The following PLEC variants were observed in gnomAD, a reference collection of about 807,000 sequenced individuals.
The protein encoded by PLEC is hemidesmosomal protein 1.
In PLEC, 216 loss-of-function variants were observed where a neutral mutation model predicts 392.8. The observed-to-expected ratio is 0.55, with a 90% CI of 0.49 to 0.62. The LOEUF is 0.62. Ranked by LOEUF, PLEC falls within the 20% of genes least tolerant of loss-of-function variation. The probability of loss-of-function intolerance (pLI) is 0.00; values close to 1 mark genes in which losing one functional copy is unlikely to be tolerated. For missense variants in PLEC, 6,863 were observed against 6,563.4 expected (o/e 1.05, Z -1.58); for synonymous variants, 3,621 against 2,980.6 (o/e 1.21, Z -7.00).
chr8:143,960,073 G>A (rs1462393014), intron 1 of PLEC, among the ~76,000 whole-genome samples: 1 of 151,996 alleles, frequency 6.6e-6, no homozygotes, highest in Admixed American at 6.6e-5. Context: ...ACCTGAAGTT[G>A]GGAGTTCGAG....
intron 1 of PLEC, among the ~76,000 whole-genome samples, chr8:143,962,865 G>A (rs1832930909): frequency 6.6e-6 from 1 of 152,130 alleles, no homozygotes; most frequent in Admixed American, 6.5e-5. Context: ...ATTGAGGAAG[G>A]AACTATTAAG....
intron 30 of PLEC, 127 bp from the exon 31 acceptor site, chr8:143,926,011 CA>C (rs1778756358): frequency 9.0e-7 from 1 of 1,109,640 alleles, no homozygotes; most frequent in Admixed American, 2.0e-5. Context: ...ACAGAGGCCC[CA>C]GCCCGGCGGA....
At chr8:143,936,310 G>A (rs1829036838) in intron 5 of PLEC, among the ~76,000 whole-genome samples, 1 of 152,196 alleles carries the variant, frequency 6.6e-6, no homozygotes, top group South Asian at 2.1e-4. Context: ...TCCCCTAGCT[G>A]GGGAGGGCTA....
intron 1 of PLEC, among the ~76,000 whole-genome samples, chr8:143,945,857 G>A (rs56334578): frequency 0.29 from 44,477 of 152,260 alleles, 7,824 homozygotes; most frequent in Non-Finnish European, 0.39. Flanking sequence ...AAAAACGTGC[G>A]GCCGAGGGAA....
chr8:143,955,047 G>A (rs1405194103), upstream of PLEC, among the ~76,000 whole-genome samples: 2 of 152,172 alleles, frequency 1.3e-5, no homozygotes, highest in Admixed American at 6.5e-5. Context: ...CACCTCCACC[G>A]TAGACCCAGC....
rs1820986194 is a variant in PLEC at position 143,917,584 on chromosome 8, G to A, written c.12237C>T (p.Ile4079=). The A allele has an allele frequency of 3.1e-6, 5 of 1,613,738 alleles. No individual in the cohort carries two copies. The highest frequency in any genetic ancestry group is 4.2e-6 in the Non-Finnish European group (5 of 1,180,020). The change falls in exon 32 of 32, where the codon ATC becomes ATT. Residue 4079 remains isoleucine, a synonymous_variant. Transcript: ENST00000345136. ...RGLFDEEMNE[I]LTDPSDDTKG... Reference sequence around the variant, plus strand: ...TGGTGTCGTCCGAGGGGTCGGTCAGGATCTCGTTCATCTCCTCATCGAAGA... The same window carrying A: ...TGGTGTCGTCCGAGGGGTCGGTCAGAATCTCGTTCATCTCCTCATCGAAGA...
Position 143,936,975 on chromosome 8 carries a change from C to T in PLEC, c.435+4G>A, listed in dbSNP as rs782435266. 1 of 1,608,864 alleles carries T rather than the reference C, an allele frequency of 6.2e-7. No homozygotes were observed. Among genetic ancestry groups the T allele is most frequent in the Non-Finnish European group, 8.5e-7 (1 of 1,176,348 alleles). On this transcript the variant is annotated splice_donor_region_variant and intron_variant, in intron 5 of 31. Coordinates refer to ENST00000345136, the MANE Select transcript of PLEC (RefSeq NM_201384.3). ...GGTGGGGGTCCTGGGGGCAGCCGTTCTACCTGGAAGTGCAGAATGATTGTC... is the reference window on the plus strand; with the variant it reads ...GGTGGGGGTCCTGGGGGCAGCCGTTTTACCTGGAAGTGCAGAATGATTGTC...
At chr8:143,939,599 G>A (rs1170580200), upstream of PLEC, 1 of 1,491,968 alleles carries the variant, frequency 6.7e-7, no homozygotes. Context: ...CAGAGCCCCA[G>A]TCGGTGCGGC....
intron 1 of PLEC, among the ~76,000 whole-genome samples, chr8:143,963,481 C>T (rs1832955076): frequency 6.6e-6 from 1 of 152,202 alleles, no homozygotes. Flanking sequence ...CTTTATATTT[C>T]TCCCTTTGGG....
rs781833275 is a variant in PLEC at position 143,927,728 on chromosome 8, G to A, written c.3438C>T (p.Phe1146=). Residue 1146 remains phenylalanine, a synonymous_variant, in exon 27 of 32, where the codon TTC becomes TTT. Transcript: ENST00000345136. ...RAQAEAQQPT[F]DALRDELRGA... ...CCCGCAGCTCATCCCGCAGGGCGTC[G>A]AACGTGGGCTGCTGTGCCTCGGCCT... 56 of 1,594,368 alleles carry A rather than the reference G, an allele frequency of 3.5e-5. No individual in the cohort carries two copies. The highest frequency in any genetic ancestry group is 1.7e-4 in the Middle Eastern group (1 of 6,046).
Position 143,921,772 on chromosome 8 carries a change from T to A in PLEC, c.8049A>T (p.Ala2683=). 6.2e-7 allele frequency: 1 copy of A among 1,611,744 alleles called. No homozygotes were observed. The highest frequency in any genetic ancestry group is 8.5e-7 in the Non-Finnish European group (1 of 1,179,820). Reference sequence around the variant, plus strand: ...GGTAGTGGCGCACGTCTTCCCGCCGTGCGAGCTCGTCCACCGTGGTGTGGC... The same window carrying A: ...GGTAGTGGCGCACGTCTTCCCGCCGAGCGAGCTCGTCCACCGTGGTGTGGC... ...AQGHTTVDEL[A]RREDVRHYLQ... is the part of the protein sequence containing the mutation. Residue 2683 remains alanine, a synonymous_variant, in exon 32 of 32, where the codon GCA becomes GCT. Transcript: ENST00000345136.
In PLEC at chr8:143,924,181, C is replaced by T. The variant is rs372415930; in HGVS notation, c.5748G>A (p.Thr1916=). ...CCTCCACCTGCCGCCGCTGCCTCAGCGTGTCCTCCACCAGCCCCTTCTGCC... is the reference window on the plus strand; with the variant it reads ...CCTCCACCTGCCGCCGCTGCCTCAGTGTGTCCTCCACCAGCCCCTTCTGCC... ...LERQKGLVED[T]LRQRRQVEEE... is the part of the protein sequence containing the mutation. Residue 1916 remains threonine, a synonymous_variant, in exon 31 of 32, where the codon ACG becomes ACA. Coordinates refer to ENST00000345136, the MANE Select transcript of PLEC (RefSeq NM_201384.3). 1.8e-5 allele frequency: 29 copies of T among 1,599,054 alleles called. No individual in the cohort carries two copies. In the African/African-American group the frequency reaches 2.4e-4, roughly 13 times the overall value.
At position 143,922,246 on chromosome 8, in the gene PLEC, G is replaced by A. The variant is rs781975069; in HGVS notation, c.7575C>T (p.Ala2525=). 1.3e-6 allele frequency: 2 copies of A among 1,591,956 alleles called. No homozygotes were observed. Among genetic ancestry groups the A allele is most frequent in the South Asian group, 1.1e-5 (1 of 89,598 alleles). Residue 2525 remains alanine, a synonymous_variant, in exon 32 of 32, where the codon GCC becomes GCT. Transcript: ENST00000345136. ...GCTCCTCACGCAGCTGCTGTGCCTT[G>A]GCCACCTCGTCCTGGAAGAGCTGCT... ...KLEQLFQDEV[A]KAQQLREEQQ...
intron 1 of PLEC, among the ~76,000 whole-genome samples, chr8:143,946,974 C>A (rs1299748028): frequency 6.6e-6 from 1 of 152,154 alleles, no homozygotes; most frequent in Non-Finnish European, 1.5e-5. Flanking sequence ...CCTCTCCATA[C>A]CTCTCCACCC....
chr8:143,965,703 T>G (rs1479143319), intron 1 of PLEC, among the ~76,000 whole-genome samples: 3 of 152,156 alleles, frequency 2.0e-5, no homozygotes, highest in African/African-American at 7.2e-5. Flanking sequence ...AGGGCACCAC[T>G]GCCCACACCC....
In PLEC at chr8:143,916,537, C is replaced by T. The variant is rs1383870023; in HGVS notation, c.13284G>A (p.Val4428=). The T allele has an allele frequency of 6.2e-7, 1 of 1,611,824 alleles. No individual in the cohort carries two copies. The highest frequency in any genetic ancestry group is 1.3e-5 in the African/African-American group (1 of 75,022). Residue 4428 remains valine (V), a synonymous_variant, in exon 32 of 32, where the codon GTG becomes GTA. Coordinates refer to ENST00000345136, the MANE Select transcript of PLEC (RefSeq NM_201384.3). ...AGGTGAGGTACTTGGAGTAGGCGCC[C>T]ACGTCACGCAGCTTCTGTGCGGTGC... is the stretch of plus-strand genomic sequence containing the variant. The part of the protein sequence containing the change: ...DARTAQKLRD[V]GAYSKYLTCP...
chr8:143,953,252 G>GC (rs1244328384), upstream of PLEC, among the ~76,000 whole-genome samples: 5 of 24,126 alleles, frequency 2.1e-4, no homozygotes, highest in East Asian at 1.9e-3. Flanking sequence ...GCAGCCCCCA[G>GC]CCCCCCCACC....
In PLEC at chr8:143,924,764, G is replaced by A. The variant is rs377665141; in HGVS notation, c.5165C>T (p.Thr1722Met). Residue 1722 changes from threonine to methionine, a missense_variant, in exon 31 of 32, where the codon ACG becomes ATG. By Grantham distance (81) the Thr-to-Met change is moderately conservative. Coordinates refer to ENST00000345136, the MANE Select transcript of PLEC (RefSeq NM_201384.3). ...CTGCCGCTGCTGCTCCCCCTGCTCCGTCTCGGCCCGCAGCCGGATCAACTC... is the reference window on the plus strand; with the variant it reads ...CTGCCGCTGCTGCTCCCCCTGCTCCATCTCGGCCCGCAGCCGGATCAACTC... The part of the protein sequence containing the change: ...EQELIRLRAE[T>M]EQGEQQRQLL... 8.1e-4 allele frequency: 1,246 copies of A among 1,535,140 alleles called. 6 individuals are homozygous for A. The African/African-American group carries it at 0.014, about 18-fold the overall frequency.
upstream of PLEC, chr8:143,958,822 G>A: frequency 3.5e-6 from 1 of 285,082 alleles, no homozygotes. This position sits in a 1 kb window ranked among gnomAD's most constrained non-coding sequence, Gnocchi z 4.9. Flanking sequence ...CCCTGGGGCG[G>A]CTGCCTCACC....
Sources: allele counts gnomAD v4.1 joint callset (sites outside exome capture counted in the v4.1 genomes callset), GRCh38; gene constraint gnomAD v4.1.1; non-coding constraint Gnocchi (gnomAD v3.1); transcripts MANE v1.5; gene names NCBI Gene and HGNC (gene_info 2026-07-23, HGNC 2026-07-21).